Variants in PTPRN2 observed in about 807,000 individuals in gnomAD.
PTPRN2 encodes the protein protein tyrosine phosphatase receptor type N2.
In PTPRN2, 74 loss-of-function variants were observed where a neutral mutation model predicts 118.8. That is an observed-to-expected ratio of 0.62 (90% confidence interval 0.52 to 0.76). The LOEUF is 0.76. PTPRN2 is among the 30% of genes least tolerant of loss of function. The pLI is 0.00. For synonymous variants in PTPRN2, 641 were observed against 608.0 expected, an observed-to-expected ratio of 1.05 and a Z score of -0.80; for missense variants, 1,481 against 1,394.4, an observed-to-expected ratio of 1.06 and a Z score of -0.99.
At chr7:158,009,952 CA>C (rs1480831398) in intron 11 of PTPRN2, among the ~76,000 whole-genome samples, 3 of 152,202 alleles carry the variant, frequency 2.0e-5, no homozygotes, top group Non-Finnish European at 2.9e-5. Flanking sequence ...GGGCACCAGC[CA>C]AACCCACTGA....
intron 12 of PTPRN2, among the ~76,000 whole-genome samples, chr7:157,685,605 G>A (rs1354233821): frequency 4.6e-5 from 7 of 152,140 alleles, no homozygotes; most frequent in East Asian, 3.9e-4. Flanking sequence ...GGGACCCGGG[G>A]CCAGCCGAGG....
chr7:157,731,836 C>T (rs1454245642), intron 12 of PTPRN2, among the ~76,000 whole-genome samples: 7 of 82,774 alleles, frequency 8.5e-5, no homozygotes, highest in African/African-American at 1.4e-4. Flanking sequence ...GCACAGTTAC[C>T]CTTTTCCGCC....
At chr7:158,354,758 A>G (rs1289166151) in intron 2 of PTPRN2, among the ~76,000 whole-genome samples, 2 of 152,204 alleles carry the variant, frequency 1.3e-5, no homozygotes, top group African/African-American at 2.4e-5. Flanking sequence ...TACCAAGCTT[A>G]CTCAAAGAAA....
intron 5 of PTPRN2, among the ~76,000 whole-genome samples, chr7:158,174,359 C>A (rs1201093617): frequency 6.6e-6 from 1 of 151,986 alleles, no homozygotes; most frequent in Non-Finnish European, 1.5e-5. Context: ...CATCATCCCA[C>A]CATCCACAGC....
chr7:158,374,052 C>T (rs748056130), intron 2 of PTPRN2, among the ~76,000 whole-genome samples: 1 of 152,234 alleles, frequency 6.6e-6, no homozygotes, highest in Non-Finnish European at 1.5e-5. Context: ...CGCCCACGCG[C>T]CCGGCACTGG....
intron 2 of PTPRN2, among the ~76,000 whole-genome samples, chr7:158,396,387 C>G (rs1335547947): frequency 1.3e-5 from 2 of 152,190 alleles, no homozygotes; most frequent in African/African-American, 4.8e-5. Flanking sequence ...GTGACAGCAT[C>G]GTGAGGTGAA....
At chr7:158,314,651 G>T (rs1242413981) in intron 3 of PTPRN2, among the ~76,000 whole-genome samples, 2 of 148,066 alleles carry the variant, frequency 1.4e-5, no homozygotes, top group Non-Finnish European at 3.0e-5. Flanking sequence ...GAGCTGCCCG[G>T]CGCCCTGGCC....
At position 157,930,435 on chromosome 7, in the gene PTPRN2, A is replaced by G. The variant is rs1461930597; in HGVS notation, c.1724-31698T>C. On this transcript the variant is annotated intron_variant, in intron 11 of 22. Transcript: ENST00000389418. ...GCTTTTAGCTCCTTTGTGGGGTGCA[A>G]TCATTTCCCAGGATGCTGGAGTCAG... is the stretch of plus-strand genomic sequence containing the variant. 2.0e-5 allele frequency among the ~76,000 whole-genome samples: 3 copies of G among 152,088 alleles called. No individual in the cohort carries two copies. In the East Asian group the frequency reaches 5.8e-4, roughly 29 times the overall value.
chr7:158,334,461 C>CAG (rs1805176482), intron 2 of PTPRN2, among the ~76,000 whole-genome samples: 1 of 28,044 alleles, frequency 3.6e-5, no homozygotes, highest in Non-Finnish European at 9.5e-5. Flanking sequence ...GAGGTGACGC[C>CAG]CATAGACGTC....
At chr7:157,580,695 G>C (rs1205138374) in intron 17 of PTPRN2, among the ~76,000 whole-genome samples, 63 of 54,160 alleles carry the variant, frequency 1.2e-3, no homozygotes, top group Middle Eastern at 0.037. Context: ...CCAGCACCTG[G>C]ACACCCGAGC....
At position 157,651,308 on chromosome 7, in the gene PTPRN2, G is replaced by T. The variant is rs536971993; in HGVS notation, c.2196+5049C>A. Reference sequence around the variant, plus strand: ...AAATGGGCCTACTCACAGCTCCTGTGCCCTCAGTGCCTCAGGACTCTCCAA... The same window carrying T: ...AAATGGGCCTACTCACAGCTCCTGTTCCCTCAGTGCCTCAGGACTCTCCAA... On this transcript the variant is annotated intron_variant, in intron 14 of 22. Coordinates refer to ENST00000389418, the MANE Select transcript of PTPRN2 (RefSeq NM_002847.5). Among the ~76,000 whole-genome samples, 11 of 152,258 alleles carry T rather than the reference G, an allele frequency of 7.2e-5. No individual in the cohort carries two copies. In the South Asian group the frequency reaches 1.5e-3, roughly 20 times the overall value.
chr7:158,468,903 G>GTA (rs1819585271), intron 2 of PTPRN2, among the ~76,000 whole-genome samples: 8 of 142,452 alleles, frequency 5.6e-5, no homozygotes, highest in East Asian at 4.3e-4. Context: ...TCAATCAACA[G>GTA]TGTGCACACC....
chr7:157,757,035 C>T (rs1222085448), intron 12 of PTPRN2, among the ~76,000 whole-genome samples: 2 of 152,180 alleles, frequency 1.3e-5, no homozygotes, highest in Non-Finnish European at 2.9e-5. Flanking sequence ...TGGGGTGGAC[C>T]CCTGCCAGAA....
chr7:158,031,413 C>T (rs60273347), intron 11 of PTPRN2, among the ~76,000 whole-genome samples: 11,488 of 152,240 alleles, frequency 0.075, 513 homozygotes, highest in African/African-American at 0.11. Flanking sequence ...AATAAAGCCA[C>T]AGAAATGCTC....
chr7:157,663,100 C>T (rs35449143), intron 13 of PTPRN2, among the ~76,000 whole-genome samples: 36,950 of 151,584 alleles, frequency 0.24, 4,607 homozygotes, highest in Admixed American at 0.28. Context: ...TGCTTGGCCG[C>T]GAAGCCACTT....
chr7:158,527,882 G>A (rs560564109), intron 1 of PTPRN2, among the ~76,000 whole-genome samples: 2 of 152,186 alleles, frequency 1.3e-5, no homozygotes, highest in African/African-American at 2.4e-5. Flanking sequence ...CACAAGCTGC[G>A]CCTCGGTGCT....
At chr7:157,595,120 C>T (rs1801217041) in intron 17 of PTPRN2, 118 bp downstream of exon 17, 3 of 907,240 alleles carry the variant, frequency 3.3e-6, no homozygotes, top group Non-Finnish European at 5.2e-6. Context: ...ATATAAGTAA[C>T]ATTTGATGAG....
At chr7:158,241,999 GC>G (rs1228821965) in intron 3 of PTPRN2, among the ~76,000 whole-genome samples, 2 of 152,138 alleles carry the variant, frequency 1.3e-5, no homozygotes. Context: ...AACTAGCTTT[GC>G]TTTTGCTGTG....
intron 1 of PTPRN2, among the ~76,000 whole-genome samples, chr7:158,557,418 T>G (rs139090255): frequency 6.6e-6 from 1 of 152,138 alleles, no homozygotes; most frequent in Non-Finnish European, 1.5e-5. Context: ...GCAGCTCCCG[T>G]GCAGGTTAGA....
Sources: gnomAD v4.1 joint callset for allele counts (sites outside exome capture counted in the v4.1 genomes callset) on GRCh38, gnomAD v4.1.1 for gene constraint, MANE v1.5 for transcripts, NCBI Gene and HGNC (gene_info 2026-07-23, HGNC 2026-07-21) for gene names.